TRMT1L: variants seen among roughly 807,000 people sequenced by gnomAD.
TRMT1L encodes tRNA methyltransferase 1L.
In TRMT1L, 28 loss-of-function variants were observed where a neutral mutation model predicts 81.6. That is an observed-to-expected ratio of 0.34 (90% CI 0.25 to 0.47). TRMT1L has a LOEUF of 0.47. Ranked by LOEUF, TRMT1L falls within the 20% of genes least tolerant of loss-of-function variation. The pLI, the probability that TRMT1L is intolerant of heterozygous loss-of-function variation, is 1.00. For synonymous variants in TRMT1L, 301 were observed against 303.2 expected (o/e 0.99, Z 0.07); for missense variants, 739 against 877.1 (o/e 0.84, Z 1.99).
intron 7 of TRMT1L, among the ~76,000 whole-genome samples, chr1:185,141,368 A>C (rs1653037462): frequency 6.6e-6 from 1 of 152,202 alleles, no homozygotes; most frequent in African/African-American, 2.4e-5. Flanking sequence ...GAGGCTGGAA[A>C]TATATTCCTT....
chr1:185,143,271 C>T, intron 7 of TRMT1L, 86 bp downstream of exon 7: 1 of 1,204,316 alleles, frequency 8.3e-7, no homozygotes, highest in East Asian at 2.6e-5. Context: ...AATTTTTTTA[C>T]ATCACTGCCC....
rs71695141 is a variant in TRMT1L at position 185,142,651 on chromosome 1, C to CAA, written c.859+704_859+705dup. ...TGATTGCAGCAAACAAGTATTATTG[C>CAA]AAAAAAAAAAAAAAAAATTGTATCT... On this transcript the variant is annotated intron_variant, in intron 7 of 14. Coordinates refer to ENST00000367506, the MANE Select transcript of TRMT1L (RefSeq NM_030934.5). Among the ~76,000 whole-genome samples, 329 of 90,846 alleles carry CAA rather than the reference C, an allele frequency of 3.6e-3. 2 individuals carry two copies. The highest frequency in any genetic ancestry group is 0.011 in the African/African-American group (310 of 27,262). 59.6% of individuals were successfully genotyped at this position (90,846 alleles called of 152,430 possible).
At chr1:185,132,629 C>G (rs1652802956) in intron 10 of TRMT1L, among the ~76,000 whole-genome samples, 1 of 151,834 alleles carries the variant, frequency 6.6e-6, no homozygotes, top group Non-Finnish European at 1.5e-5. Flanking sequence ...CATATTATCT[C>G]AAAATTATTT....
chr1:185,132,849 TCAAAATGAAGAAGTAAA>T (rs1351460967), intron 10 of TRMT1L, among the ~76,000 whole-genome samples: 1 of 152,128 alleles, frequency 6.6e-6, no homozygotes, highest in East Asian at 1.9e-4. Context: ...AAGTGTCCAC[TCAAAATGAAGAAGTAAA>T]CAAGGAAAGT....
chr1:185,151,401 CA>C (rs1386890129), intron 2 of TRMT1L, among the ~76,000 whole-genome samples: 1 of 152,116 alleles, frequency 6.6e-6, no homozygotes, highest in Non-Finnish European at 1.5e-5. Flanking sequence ...GGATACAAAC[CA>C]AACACTAAGG....
intron 12 of TRMT1L, among the ~76,000 whole-genome samples, 161 bp from the exon 13 acceptor site, chr1:185,124,080 C>G (rs1386042414): frequency 6.6e-6 from 1 of 152,164 alleles, no homozygotes; most frequent in Non-Finnish European, 1.5e-5. Flanking sequence ...ATTTTTAACC[C>G]TCTATAATAG....
chr1:185,139,635 C>A (rs994596543), intron 8 of TRMT1L, 56 bp from the exon 9 acceptor site: 3 of 1,166,234 alleles, frequency 2.6e-6, no homozygotes, highest in Non-Finnish European at 3.6e-6. Flanking sequence ...AAAAATTATA[C>A]CACTGTAATT....
chr1:185,122,995 T>G (rs1322447485), intron 13 of TRMT1L, among the ~76,000 whole-genome samples: 1 of 152,144 alleles, frequency 6.6e-6, no homozygotes, highest in East Asian at 1.9e-4. Context: ...AATCTAATAT[T>G]CTTTATAGTG....
intron 10 of TRMT1L, among the ~76,000 whole-genome samples, chr1:185,135,224 T>C (rs1355387926): frequency 6.7e-6 from 1 of 150,024 alleles, no homozygotes; most frequent in Non-Finnish European, 1.5e-5. Flanking sequence ...GTGACCAGCC[T>C]GGGCAACATG....
intron 5 of TRMT1L, among the ~76,000 whole-genome samples, chr1:185,144,269 A>G (rs75651014): frequency 0.011 from 1,677 of 152,154 alleles, 25 homozygotes; most frequent in African/African-American, 0.039. Flanking sequence ...ACATCTGATT[A>G]ATGAAAGTTA....
rs1478206707 is a variant in TRMT1L, at chr1:185,119,971, C to T, written c.*48G>A. 6.3e-7 allele frequency: 1 copy of T among 1,588,978 alleles called. No individual in the cohort carries two copies. The highest frequency in any genetic ancestry group is 2.2e-5 in the East Asian group (1 of 44,642). ...AAAGAACTACAGTTGGTATAGAGAA[C>T]TATTAGGCCATCTATACAGACACCT... On this transcript the variant is annotated 3_prime_UTR_variant, in exon 15 of 15. Transcript: ENST00000367506.
chr1:185,134,448 A>G (rs888689283), intron 10 of TRMT1L, among the ~76,000 whole-genome samples: 1 of 152,172 alleles, frequency 6.6e-6, no homozygotes, highest in Non-Finnish European at 1.5e-5. Flanking sequence ...CAGCCTCCCA[A>G]ACTGTTGGGA....
chr1:185,134,544 C>T (rs752807800), intron 10 of TRMT1L, among the ~76,000 whole-genome samples: 1 of 152,200 alleles, frequency 6.6e-6, no homozygotes, highest in Non-Finnish European at 1.5e-5. Context: ...GAGATGACTT[C>T]TTTGTAGGAC....
intron 10 of TRMT1L, among the ~76,000 whole-genome samples, chr1:185,134,985 A>G (rs1030767625): frequency 6.6e-6 from 1 of 152,252 alleles, no homozygotes; most frequent in South Asian, 2.1e-4. Context: ...AACAAACAAA[A>G]ATTAGGAAGG....
chr1:185,150,604 T>C (rs1033539143), intron 2 of TRMT1L, 112 bp from the exon 3 acceptor site: 2 of 727,488 alleles, frequency 2.7e-6, no homozygotes, highest in East Asian at 5.4e-5. Flanking sequence ...AAAGTCTTTC[T>C]TAACTTTAGG....
chr1:185,136,491 A>G (rs1273349275), intron 10 of TRMT1L, among the ~76,000 whole-genome samples: 1 of 152,206 alleles, frequency 6.6e-6, no homozygotes, highest in East Asian at 1.9e-4. Flanking sequence ...TACCACCACC[A>G]GTTAACATTA....
At chr1:185,126,669 G>A (rs1042215530) in intron 11 of TRMT1L, among the ~76,000 whole-genome samples, 7 of 152,188 alleles carry the variant, frequency 4.6e-5, no homozygotes, top group African/African-American at 1.7e-4. Flanking sequence ...TGGTAGAGAG[G>A]GGAAGGTATT....
chr1:185,122,983 C>T (rs1302649174), intron 13 of TRMT1L, among the ~76,000 whole-genome samples: 1 of 152,118 alleles, frequency 6.6e-6, no homozygotes, highest in Non-Finnish European at 1.5e-5. Flanking sequence ...CTATGCCCAG[C>T]AAATCTAATA....
chr1:185,146,269 C>T (rs565122934), intron 4 of TRMT1L, among the ~76,000 whole-genome samples: 130 of 152,084 alleles, frequency 8.5e-4, no homozygotes, highest in African/African-American at 2.9e-3. Context: ...AGCTCCAGTA[C>T]CCCACTGAAT....
Sources: allele counts gnomAD v4.1 joint callset (sites outside exome capture counted in the v4.1 genomes callset), GRCh38; gene constraint gnomAD v4.1.1; transcripts MANE v1.5; gene names NCBI Gene and HGNC (gene_info 2026-07-23, HGNC 2026-07-21).